Variants in LSAMP observed in about 807,000 individuals in gnomAD.
LSAMP encodes the protein limbic system associated membrane protein, also known as limbic system-associated membrane protein.
LSAMP carries 7 observed loss-of-function variants against 38.6 expected under a neutral mutation model. The observed-to-expected ratio is 0.18, with a 90% CI of 0.10 to 0.34. LSAMP has a LOEUF of 0.34. Among genes scored for constraint, LSAMP ranks in the 10% least tolerant of loss-of-function variants. The probability of loss-of-function intolerance (pLI) is 1.00; values close to 1 mark genes in which losing one functional copy is unlikely to be tolerated. For synonymous variants in LSAMP, 154 were observed against 166.8 expected (o/e 0.92, Z 0.59); for missense variants, 313 against 420.0 (o/e 0.75, Z 2.23).
intron 1 of LSAMP, among the ~76,000 whole-genome samples, chr3:116,232,493 C>T (rs1261203114): frequency 1.3e-5 from 2 of 152,020 alleles, no homozygotes; most frequent in Non-Finnish European, 2.9e-5. Context: ...TCACTTGGTC[C>T]ATTCAGTATC....
At chr3:115,871,104 C>T (rs1001777250) in intron 3 of LSAMP, among the ~76,000 whole-genome samples, 4 of 152,092 alleles carry the variant, frequency 2.6e-5, no homozygotes, top group African/African-American at 4.8e-5. Flanking sequence ...AAAGATTTTC[C>T]TCTGAGAATA....
At chr3:115,884,610 G>A (rs1936404804) in intron 3 of LSAMP, among the ~76,000 whole-genome samples, 1 of 151,966 alleles carries the variant, frequency 6.6e-6, no homozygotes, top group African/African-American at 2.4e-5. Flanking sequence ...ACTACGGAGG[G>A]CTCGCAGATG....
chr3:115,802,682 A>C lies in LSAMP; in HGVS notation c.*7635T>G, dbSNP rs1933541619. ...GTGTTTGTATCTTCAAGGGAAGATC[A>C]GTTCATGTCTACAGGGCTGAAAAAA... On this transcript the variant is annotated 3_prime_UTR_variant, in exon 7 of 7. Coordinates refer to ENST00000490035, the MANE Select transcript of LSAMP (RefSeq NM_002338.5). The C allele has an allele frequency of 6.6e-6, 1 of 151,948 alleles. No individual in the cohort carries two copies. The highest frequency in any genetic ancestry group is 2.1e-4 in the South Asian group (1 of 4,822). The allele number at this position is 151,948 out of a possible 1,614,324, so 9.4% of individuals were successfully genotyped here.
intron 1 of LSAMP, among the ~76,000 whole-genome samples, chr3:116,204,727 T>C (rs1302517758): frequency 1.3e-5 from 2 of 151,722 alleles, no homozygotes; most frequent in Non-Finnish European, 2.9e-5. Flanking sequence ...TGCAGCGTTA[T>C]TTCTGAGGGC....
chr3:116,103,458 CCTT>C (rs1708391438), intron 1 of LSAMP, among the ~76,000 whole-genome samples: 1 of 131,188 alleles, frequency 7.6e-6, no homozygotes, highest in Admixed American at 7.7e-5. Flanking sequence ...GAGTGAGACT[CCTT>C]CTCAAAAAAA....
intron 1 of LSAMP, among the ~76,000 whole-genome samples, chr3:116,416,925 G>A (rs1243458542): frequency 6.6e-6 from 1 of 152,144 alleles, no homozygotes; most frequent in Non-Finnish European, 1.5e-5. Context: ...TGAAGAGGCA[G>A]AAAGGAAGGA....
At chr3:116,304,507 G>A (rs2047456229) in intron 1 of LSAMP, among the ~76,000 whole-genome samples, 1 of 152,148 alleles carries the variant, frequency 6.6e-6, no homozygotes, top group Non-Finnish European at 1.5e-5. Context: ...TGAAGGATGA[G>A]TGAGGATAAG....
chr3:115,933,070 C>T (rs1383284961), intron 3 of LSAMP, among the ~76,000 whole-genome samples: 1 of 152,100 alleles, frequency 6.6e-6, no homozygotes, highest in Non-Finnish European at 1.5e-5. Flanking sequence ...TGAGAGCTAG[C>T]AGTCAAGGAA....
intron 2 of LSAMP, among the ~76,000 whole-genome samples, chr3:116,065,115 C>A (rs1707390777): frequency 6.6e-6 from 1 of 152,086 alleles, no homozygotes; most frequent in Non-Finnish European, 1.5e-5. Flanking sequence ...GACAACATAT[C>A]CCAAAAAAAG....
At chr3:115,925,264 AAAGAG>A (rs1937473529) in intron 3 of LSAMP, among the ~76,000 whole-genome samples, 1 of 152,302 alleles carries the variant, frequency 6.6e-6, no homozygotes. Context: ...TCAAATGTAA[AAAGAG>A]GAGAGGGATC....
At chr3:116,311,107 T>C (rs887685971) in intron 1 of LSAMP, among the ~76,000 whole-genome samples, 1 of 152,072 alleles carries the variant, frequency 6.6e-6, no homozygotes, top group Non-Finnish European at 1.5e-5. Flanking sequence ...TAGGTACTAG[T>C]CTAAAGCTAC....
intron 1 of LSAMP, among the ~76,000 whole-genome samples, chr3:116,399,401 T>C (rs375179285): frequency 2.6e-5 from 4 of 152,050 alleles, no homozygotes; most frequent in African/African-American, 9.6e-5. Flanking sequence ...TGGGTAGTAA[T>C]AATGGGAGAG....
At chr3:116,014,864 C>T (rs1194880325) in intron 3 of LSAMP, among the ~76,000 whole-genome samples, 5 of 152,108 alleles carry the variant, frequency 3.3e-5, no homozygotes, top group African/African-American at 9.7e-5. Flanking sequence ...CCCATGAGGT[C>T]AGAGTCTAGG....
chr3:116,023,371 G>C (rs1940692023), intron 2 of LSAMP, among the ~76,000 whole-genome samples: 1 of 151,574 alleles, frequency 6.6e-6, no homozygotes, highest in African/African-American at 2.4e-5. Context: ...GAGGCAGGTG[G>C]ATCACAAGGT....
chr3:116,413,909 AAAAACAAACC>A (rs1023972016), intron 1 of LSAMP, among the ~76,000 whole-genome samples: 4 of 151,572 alleles, frequency 2.6e-5, no homozygotes, highest in African/African-American at 9.7e-5. Context: ...TTACAAAAAA[AAAAACAAACC>A]AAAAAAACAG....
chr3:116,293,357 C>T lies in LSAMP; in HGVS notation c.155+151520G>A, dbSNP rs192988398. On this transcript the variant is annotated intron_variant, in intron 1 of 6. Coordinates refer to ENST00000490035, the MANE Select transcript of LSAMP (RefSeq NM_002338.5). ...TAAAAACTTTGCAAATTATGAAGGG[C>T]TATACAAAGGTAGAATAATAATGTT... Among the ~76,000 whole-genome samples the T allele has an allele frequency of 2.4e-3, 367 of 152,162 alleles. 1 individual carries two copies. Among genetic ancestry groups the T allele is most frequent in the Non-Finnish European group, 4.6e-3 (311 of 68,012 alleles).
chr3:116,407,353 T>G (rs1354236238), intron 1 of LSAMP, among the ~76,000 whole-genome samples: 1 of 152,106 alleles, frequency 6.6e-6, no homozygotes, highest in Non-Finnish European at 1.5e-5. Flanking sequence ...TGAAGGTAAT[T>G]AAATAAAAGT....
At chr3:116,066,772 T>A (rs777088816) in intron 2 of LSAMP, among the ~76,000 whole-genome samples, 1 of 152,300 alleles carries the variant, frequency 6.6e-6, no homozygotes. Flanking sequence ...CCCTAATAGA[T>A]CTCTTCCTGT....
intron 2 of LSAMP, among the ~76,000 whole-genome samples, chr3:116,057,596 G>T (rs893665851): frequency 6.6e-6 from 1 of 152,090 alleles, no homozygotes; most frequent in East Asian, 1.9e-4. Flanking sequence ...GAAGGAAAGG[G>T]GGAAAGACAG....
Sources: allele counts gnomAD v4.1 joint callset (sites outside exome capture counted in the v4.1 genomes callset), GRCh38; gene constraint gnomAD v4.1.1; transcripts MANE v1.5; gene names NCBI Gene and HGNC (gene_info 2026-07-23, HGNC 2026-07-21).